The following MAP3K8 variants were observed in gnomAD, a reference collection of about 807,000 sequenced individuals.
MAP3K8 encodes mitogen-activated protein kinase kinase kinase 8, also known as Ewing sarcoma transformant.
In MAP3K8, 22 loss-of-function variants were observed where a neutral mutation model predicts 45.8. That is an observed-to-expected ratio of 0.48 (90% confidence interval 0.34 to 0.69). The LOEUF is 0.69. Among genes scored for constraint, MAP3K8 ranks in the 30% least tolerant of loss-of-function variants. MAP3K8 has a pLI of 0.01. For missense variants in MAP3K8, 419 were observed against 585.0 expected (o/e 0.72, Z 2.93); for synonymous variants, 223 against 214.3 (o/e 1.04, Z -0.36).
intron 3 of MAP3K8, among the ~76,000 whole-genome samples, chr10:30,444,372 A>T (rs7905559): frequency 6.6e-6 from 1 of 152,184 alleles, no homozygotes; most frequent in Admixed American, 6.5e-5. Flanking sequence ...CTGAGACAGG[A>T]GAATCGCTTG....
chr10:30,455,621 A>C (rs1200021975), intron 6 of MAP3K8, among the ~76,000 whole-genome samples: 1 of 152,192 alleles, frequency 6.6e-6, no homozygotes, highest in Non-Finnish European at 1.5e-5. Context: ...CTTTTTGAAA[A>C]ATCCTTCTAA....
At chr10:30,444,745 ATAAC>A (rs1263539474) in intron 3 of MAP3K8, among the ~76,000 whole-genome samples, 1 of 152,234 alleles carries the variant, frequency 6.6e-6, no homozygotes, top group Non-Finnish European at 1.5e-5. Flanking sequence ...AAACACATAA[ATAAC>A]TGAGTTATTT....
At chr10:30,443,502 ACT>A (rs1404799299) in intron 3 of MAP3K8, among the ~76,000 whole-genome samples, 6 of 151,738 alleles carry the variant, frequency 4.0e-5, no homozygotes, top group African/African-American at 1.5e-4. Context: ...TGTACTATTA[ACT>A]CTCTCATCAT....
At chr10:30,457,494 A>G (rs1836777187) in intron 6 of MAP3K8, among the ~76,000 whole-genome samples, 1 of 152,228 alleles carries the variant, frequency 6.6e-6, no homozygotes, top group Non-Finnish European at 1.5e-5. Context: ...TTTGTAGTTC[A>G]TTTAAATATA....
chr10:30,443,803 G>T (rs1265125053), intron 3 of MAP3K8, among the ~76,000 whole-genome samples: 3 of 152,216 alleles, frequency 2.0e-5, no homozygotes, highest in Non-Finnish European at 2.9e-5. Flanking sequence ...ATCTGGATGA[G>T]GAGATAGGAA....
In MAP3K8 at chr10:30,437,163, T is replaced by C; in HGVS notation, c.-254-13T>C. ...TCTGCCTTTTTTTTCTCTCTCTTTA[T>C]GTCTTGTTTTAGATGCAATCTTCTT... On this transcript the variant is annotated splice_polypyrimidine_tract_variant and intron_variant, in intron 1 of 8. Coordinates refer to ENST00000263056, the MANE Select transcript of MAP3K8 (RefSeq NM_005204.4). The C allele has an allele frequency of 2.0e-6, 2 of 985,282 alleles. No individual in the cohort carries two copies. Among genetic ancestry groups the C allele is most frequent in the Non-Finnish European group, 2.4e-6 (2 of 829,862 alleles). The allele number at this position is 985,282 out of a possible 1,614,324, so 61.0% of individuals were successfully genotyped here. A position where few individuals can be genotyped will look rare whatever the true frequency, so the allele number is the denominator to read the frequency against.
chr10:30,447,744 T>C (rs771588697), intron 3 of MAP3K8, 38 bp from the exon 4 acceptor site: 1 of 1,582,262 alleles, frequency 6.3e-7, no homozygotes, highest in Non-Finnish European at 8.7e-7. Context: ...CCAGCTTGAC[T>C]GAAGTTCTCA....
intron 1 of MAP3K8, among the ~76,000 whole-genome samples, chr10:30,435,747 T>G (rs1588759977): frequency 6.6e-6 from 1 of 152,198 alleles, no homozygotes; most frequent in East Asian, 1.9e-4. Flanking sequence ...TTTCACCATG[T>G]TGGCCAGGCT....
intron 6 of MAP3K8, among the ~76,000 whole-genome samples, chr10:30,451,997 G>GAT (rs1162689174): frequency 1.5e-4 from 23 of 151,906 alleles, no homozygotes; most frequent in Admixed American, 1.4e-3. Context: ...TATACATGTT[G>GAT]ATATATATAA....
chr10:30,434,791 G>A, intron 1 of MAP3K8: 2 of 984,774 alleles, frequency 2.0e-6, no homozygotes, highest in Non-Finnish European at 2.4e-6. Context: ...CCTCCCAAAT[G>A]CTGGGTGCTT....
rs775524389 is a variant in MAP3K8 at position 30,460,953 on chromosome 10, C to T, written c.*117C>T. 2 of 1,309,050 alleles carry T rather than the reference C, an allele frequency of 1.5e-6. No homozygotes were observed. The highest frequency in any genetic ancestry group is 2.1e-6 in the Non-Finnish European group (2 of 968,674). 81.1% of individuals were successfully genotyped at this position (1,309,050 alleles called of 1,614,324 possible). A position where few individuals can be genotyped will look rare whatever the true frequency, so the allele number is the denominator to read the frequency against. ...TGCCATTTTCGAAGGAGCAGTGTGA[C>T]CTCCTGTGACCCGTGAATGTGCCTC... On this transcript the variant is annotated 3_prime_UTR_variant, in exon 9 of 9. Coordinates refer to ENST00000263056, the MANE Select transcript of MAP3K8 (RefSeq NM_005204.4).
At chr10:30,450,035 G>GT (rs1308190214) in intron 4 of MAP3K8, among the ~76,000 whole-genome samples, 1 of 152,020 alleles carries the variant, frequency 6.6e-6, no homozygotes, top group Non-Finnish European at 1.5e-5. Flanking sequence ...TCATTATTTT[G>GT]TTTTTTATTT....
chr10:30,452,741 C>T (rs1048269589), intron 6 of MAP3K8, among the ~76,000 whole-genome samples: 7 of 152,094 alleles, frequency 4.6e-5, no homozygotes, highest in Non-Finnish European at 8.8e-5. Flanking sequence ...AGGACAGTGG[C>T]GCATGATCTC....
At chr10:30,434,431 G>T (rs1170055698) in intron 1 of MAP3K8, 53 bp downstream of exon 1, 4 of 985,160 alleles carry the variant, frequency 4.1e-6, no homozygotes, top group Non-Finnish European at 4.8e-6. Context: ...GTCCCGCCTG[G>T]GTGCCCCGGG....
Position 30,438,039 on chromosome 10 carries a change from T to C in MAP3K8, c.-24+633T>C, listed in dbSNP as rs146290424. ...ATCTCCAAGTGTGGCAGCTGATTTGTATATAAGAGCTGAAATGCAATTTTG... is the reference window on the plus strand; with the variant it reads ...ATCTCCAAGTGTGGCAGCTGATTTGCATATAAGAGCTGAAATGCAATTTTG... On this transcript the variant is annotated intron_variant, in intron 2 of 8. Coordinates refer to ENST00000263056, the MANE Select transcript of MAP3K8 (RefSeq NM_005204.4). Among the ~76,000 whole-genome samples the C allele has an allele frequency of 5.9e-5, 9 of 152,352 alleles. No homozygotes were observed. The East Asian group carries it at 1.7e-3, about 29-fold the overall frequency.
At position 30,439,216 on chromosome 10, in the gene MAP3K8, A is replaced by G. The variant is rs755208662; in HGVS notation, c.278A>G (p.Asn93Ser). 1.2e-6 allele frequency: 2 copies of G among 1,614,100 alleles called. No individual in the cohort carries two copies. Among genetic ancestry groups the G allele is most frequent in the Non-Finnish European group, 1.7e-6 (2 of 1,180,054 alleles). ...CTTGCTTTTGCAAACCATATATCCA[A>G]CACTGCAAAGCATTTTTATGGACAA... ...DLLAFANHIS[N>S]TAKHFYGQRP... Residue 93 changes from asparagine to serine, a missense_variant, in exon 3 of 9, where the codon AAC (asparagine) becomes AGC (serine). Around this residue, in one of 3 missense-constraint regions of MAP3K8, gnomAD observed 209 missense variants for 367.3 expected, o/e 0.57. Coordinates refer to ENST00000263056, the MANE Select transcript of MAP3K8 (RefSeq NM_005204.4).
intron 3 of MAP3K8, among the ~76,000 whole-genome samples, chr10:30,445,892 G>A (rs1836310972): frequency 6.6e-6 from 1 of 152,210 alleles, no homozygotes; most frequent in Admixed American, 6.5e-5. Context: ...AAAATTAGCA[G>A]TGGTGGAGCT....
At chr10:30,438,460 T>C (rs1342870158) in intron 2 of MAP3K8, among the ~76,000 whole-genome samples, 1 of 152,216 alleles carries the variant, frequency 6.6e-6, no homozygotes, top group East Asian at 1.9e-4. Flanking sequence ...AAGAGGTTAT[T>C]TTTCTTTAAA....
rs3751450 is a variant in MAP3K8 at position 30,437,274 on chromosome 10, T to C, written c.-156T>C. ...AACGCAGTATCTGCAAAGCCAGGAG[T>C]CTGACTCAGTACTTTTCTCACTCAT... On this transcript the variant is annotated 5_prime_UTR_variant, in exon 2 of 9. Transcript: ENST00000263056. 131 of 984,978 alleles carry C rather than the reference T, an allele frequency of 1.3e-4. 5 individuals are homozygous for C. The East Asian group carries it at 0.011, about 81-fold the overall frequency. 61.0% of individuals were successfully genotyped at this position (984,978 alleles called of 1,614,324 possible). A position where few individuals can be genotyped will look rare whatever the true frequency, so the allele number is the denominator to read the frequency against.
Sources: allele counts gnomAD v4.1 joint callset (sites outside exome capture counted in the v4.1 genomes callset), GRCh38; gene constraint gnomAD v4.1.1; regional missense constraint gnomAD v4.1.1; transcripts MANE v1.5; gene names NCBI Gene and HGNC (gene_info 2026-07-23, HGNC 2026-07-21).